GLI3: variants seen among roughly 807,000 people sequenced by gnomAD.
The protein encoded by GLI3 is GLI family zinc finger 3, also known as transcription activator GLI3.
Under a neutral mutation model 100.8 loss-of-function variants are expected in GLI3, and 20 were observed. The ratio of observed to expected loss-of-function variants is 0.20; its 90% CI spans 0.14 to 0.29. The LOEUF (loss-of-function observed/expected upper bound fraction) is 0.29, where lower values mean the gene tolerates loss of function less well. Ranked by LOEUF, GLI3 falls within the 10% of genes least tolerant of loss-of-function variation. The probability of loss-of-function intolerance (pLI) is 1.00; values close to 1 mark genes in which losing one functional copy is unlikely to be tolerated. For missense variants in GLI3, 2,040 were observed against 2,128.5 expected (o/e 0.96, Z 0.82); for synonymous variants, 938 against 860.5 (o/e 1.09, Z -1.58).
At chr7:42,234,108 A>T (rs1788744510) in intron 1 of GLI3, among the ~76,000 whole-genome samples, 1 of 152,250 alleles carries the variant, frequency 6.6e-6, no homozygotes, top group South Asian at 2.1e-4. Flanking sequence ...ACTATAGTCT[A>T]AAAGCATTAA....
chr7:42,165,572 T>C (rs1401469489), intron 2 of GLI3, among the ~76,000 whole-genome samples: 1 of 152,164 alleles, frequency 6.6e-6, no homozygotes, highest in East Asian at 1.9e-4. Flanking sequence ...TACCATACAA[T>C]TTATCATGCC....
At chr7:42,033,946 G>C (rs1259589387) in intron 7 of GLI3, among the ~76,000 whole-genome samples, 1 of 152,120 alleles carries the variant, frequency 6.6e-6, no homozygotes, top group African/African-American at 2.4e-5. Flanking sequence ...TTACATTTAG[G>C]CATATGCTCT....
chr7:42,175,728 A>G (rs1297758052), intron 2 of GLI3, among the ~76,000 whole-genome samples: 1 of 152,206 alleles, frequency 6.6e-6, no homozygotes, highest in Non-Finnish European at 1.5e-5. Context: ...CATTAACTCT[A>G]TATGGGAGTA....
chr7:42,084,032 G>T (rs922307243), intron 3 of GLI3, among the ~76,000 whole-genome samples: 23 of 152,088 alleles, frequency 1.5e-4, no homozygotes, highest in African/African-American at 5.3e-4. Context: ...TTTTACTTCT[G>T]GCAACTACCT....
intron 3 of GLI3, among the ~76,000 whole-genome samples, chr7:42,147,344 G>A (rs1212927631): frequency 6.6e-6 from 1 of 152,264 alleles, no homozygotes; most frequent in East Asian, 1.9e-4. Context: ...TGAATGATGT[G>A]GAAAAGGGGA....
intron 2 of GLI3, among the ~76,000 whole-genome samples, chr7:42,163,477 G>A (rs901713019): frequency 6.6e-6 from 1 of 151,020 alleles, no homozygotes; most frequent in African/African-American, 2.4e-5. Flanking sequence ...TGCCCAGGCT[G>A]GAGTGCAATG....
chr7:42,256,064 T>C (rs1003288906), intron 1 of GLI3, among the ~76,000 whole-genome samples: 1 of 152,212 alleles, frequency 6.6e-6, no homozygotes, highest in Non-Finnish European at 1.5e-5. Context: ...GTAATGACTT[T>C]GAGCATCTTT....
At chr7:42,120,560 A>G (rs1200282126) in intron 3 of GLI3, among the ~76,000 whole-genome samples, 1 of 152,214 alleles carries the variant, frequency 6.6e-6, no homozygotes, top group African/African-American at 2.4e-5. Flanking sequence ...ATTAAAATGC[A>G]TCGGCGAGGT....
At chr7:42,111,809 T>C (rs1785713981) in intron 3 of GLI3, among the ~76,000 whole-genome samples, 1 of 152,096 alleles carries the variant, frequency 6.6e-6, no homozygotes. Flanking sequence ...TGGCTTAGGT[T>C]TGCACAGTCT....
intron 3 of GLI3, among the ~76,000 whole-genome samples, chr7:42,121,334 A>C (rs1406497187): frequency 1.3e-5 from 2 of 152,336 alleles, no homozygotes; most frequent in Non-Finnish European, 2.9e-5. Flanking sequence ...CATTTCTAAC[A>C]AGTTCCCTGG....
At chr7:42,230,018 C>T (rs1788664140) in intron 1 of GLI3, among the ~76,000 whole-genome samples, 1 of 142,238 alleles carries the variant, frequency 7.0e-6, no homozygotes, top group Non-Finnish European at 1.5e-5. Flanking sequence ...CTTTGTGACA[C>T]TCTAGCAGTT....
chr7:42,144,329 TA>T lies in GLI3; in HGVS notation c.367+3896del, dbSNP rs1355737798. Among the ~76,000 whole-genome samples, 7 of 152,140 alleles carry T rather than the reference TA, an allele frequency of 4.6e-5. No individual in the cohort carries two copies. In the East Asian group the frequency reaches 1.4e-3, roughly 29 times the overall value. On this transcript the variant is annotated intron_variant, in intron 3 of 14. Transcript: ENST00000395925. ...TAACCCCTACCACGCTCCCCCAAATTATAAAGCGCCAGTGATCCTGTAGCTG... is the reference window on the plus strand; with the variant it reads ...TAACCCCTACCACGCTCCCCCAAATTTAAAGCGCCAGTGATCCTGTAGCTG...
chr7:42,117,932 C>G (rs1329129911), intron 3 of GLI3, among the ~76,000 whole-genome samples: 1 of 152,134 alleles, frequency 6.6e-6, no homozygotes. Flanking sequence ...AGGACGGCAC[C>G]ATAGTTAATT....
rs574991756 is a variant in GLI3 at position 42,147,833 on chromosome 7, C to T, written c.367+393G>A. On this transcript the variant is annotated intron_variant, in intron 3 of 14. Coordinates refer to ENST00000395925, the MANE Select transcript of GLI3 (RefSeq NM_000168.6). ...AAATCATTAAAAATGGGAATTGCGG[C>T]TGTTGAGCACTTCTCTTAATGCAGC... Among the ~76,000 whole-genome samples, 25 of 152,262 alleles carry T rather than the reference C, an allele frequency of 1.6e-4. No homozygotes were observed. The East Asian group carries it at 4.7e-3, about 28-fold the overall frequency.
chr7:42,204,312 T>C (rs1361878867), intron 2 of GLI3, among the ~76,000 whole-genome samples: 1 of 152,082 alleles, frequency 6.6e-6, no homozygotes, highest in Non-Finnish European at 1.5e-5. Flanking sequence ...ATGCTTTAAG[T>C]ATTTGCTTCT....
At chr7:42,245,295 A>AATCACAGT (rs1788959855) in intron 1 of GLI3, among the ~76,000 whole-genome samples, 4 of 152,202 alleles carry the variant, frequency 2.6e-5, no homozygotes, top group Admixed American at 2.6e-4. Context: ...GTAATCACAG[A>AATCACAGT]ATCACAGTAA....
At chr7:42,152,990 C>G (rs1426005871) in intron 2 of GLI3, among the ~76,000 whole-genome samples, 2 of 152,200 alleles carry the variant, frequency 1.3e-5, no homozygotes, top group Non-Finnish European at 2.9e-5. Flanking sequence ...GAGCCTAGAC[C>G]TCAATGGACC....
intron 10 of GLI3, among the ~76,000 whole-genome samples, chr7:41,999,079 T>G (rs1018419679): frequency 1.3e-5 from 2 of 152,180 alleles, no homozygotes; most frequent in African/African-American, 4.8e-5. Context: ...ATGAATGGAG[T>G]TTCCTGTTGA....
At chr7:42,233,159 A>G (rs1198857704) in intron 1 of GLI3, among the ~76,000 whole-genome samples, 1 of 152,236 alleles carries the variant, frequency 6.6e-6, no homozygotes, top group South Asian at 2.1e-4. Context: ...ATTTAAAAAT[A>G]ATAATTATGG....
Sources: gnomAD v4.1 joint callset for allele counts (sites outside exome capture counted in the v4.1 genomes callset) on GRCh38, gnomAD v4.1.1 for gene constraint, MANE v1.5 for transcripts, NCBI Gene and HGNC (gene_info 2026-07-23, HGNC 2026-07-21) for gene names.